The following PRKACA variants were observed in gnomAD, a reference collection of about 807,000 sequenced individuals.
The protein encoded by PRKACA is protein kinase cAMP-activated catalytic subunit alpha, also known as cAMP-dependent protein kinase catalytic subunit alpha.
PRKACA carries 9 observed loss-of-function variants against 45.8 expected under a neutral mutation model. That is an observed-to-expected ratio of 0.20 (90% CI 0.12 to 0.34). The LOEUF (loss-of-function observed/expected upper bound fraction) is 0.34. Ranked by LOEUF, PRKACA falls within the 10% of genes least tolerant of loss-of-function variation. PRKACA has a pLI of 1.00. For missense variants in PRKACA, 238 were observed against 458.6 expected, an observed-to-expected ratio of 0.52 and a Z score of 4.39; for synonymous variants, 160 against 178.6, an observed-to-expected ratio of 0.90 and a Z score of 0.83.
Position 14,093,366 on chromosome 19 carries a change from T to C in PRKACA, c.931-129A>G, listed in dbSNP as rs1977149918. 3 of 1,296,796 alleles carry C rather than the reference T, an allele frequency of 2.3e-6. No individual in the cohort carries two copies. In the East Asian group the frequency reaches 7.2e-5, roughly 31 times the overall value. The allele number at this position is 1,296,796 out of a possible 1,614,324, so 80.3% of individuals were successfully genotyped here. A position where few individuals can be genotyped will look rare whatever the true frequency, so the allele number is the denominator to read the frequency against. On this transcript the variant is annotated intron_variant, in intron 9 of 9. Coordinates refer to ENST00000308677, the MANE Select transcript of PRKACA (RefSeq NM_002730.4). ...CAGGCCTGTGCTTACCATTAGGTTA[T>C]GGATTCCTCTTAACAGCCCGAAACT... is the stretch of plus-strand genomic sequence containing the variant.
chr19:14,099,151 G>C (rs1040022536), intron 5 of PRKACA, among the ~76,000 whole-genome samples: 1 of 151,998 alleles, frequency 6.6e-6, no homozygotes, highest in Non-Finnish European at 1.5e-5. Context: ...AATTAGCCAG[G>C]CAAGGGGGCA....
chr19:14,116,709 C>A (rs767162130), intron 1 of PRKACA, among the ~76,000 whole-genome samples: 1 of 152,106 alleles, frequency 6.6e-6, no homozygotes. Flanking sequence ...TGAATCCCAA[C>A]AAGACCAGCT....
In PRKACA at chr19:14,092,912, G is replaced by A. The variant is rs1018628243; in HGVS notation, c.*200C>T. On this transcript the variant is annotated 3_prime_UTR_variant, in exon 10 of 10. Coordinates refer to ENST00000308677, the MANE Select transcript of PRKACA (RefSeq NM_002730.4). ...GGAGAGGGGGCAGGAGGGTGAAGGG[G>A]ATGAGGGGGAGCAGCTGGTGTTTCT... is the stretch of plus-strand genomic sequence containing the variant. The A allele has an allele frequency of 2.8e-5, 17 of 602,254 alleles. No individual in the cohort carries two copies. In the African/African-American group the frequency reaches 3.0e-4, roughly 11 times the overall value. 37.3% of individuals were successfully genotyped at this position (602,254 alleles called of 1,614,324 possible).
rs1568529909 is a variant in PRKACA at position 14,097,563 on chromosome 19, C to G, written c.642+16G>C. On this transcript the variant is annotated intron_variant, in intron 7 of 9. Coordinates refer to ENST00000308677, the MANE Select transcript of PRKACA (RefSeq NM_002730.4). The surrounding 1 kb of genome is among the most constrained non-coding windows in gnomAD (Gnocchi z 5.4). The stretch of plus-strand genomic sequence containing the variant: ...AGCCGGCCTCAGGGGAAGGGGAGGG[C>G]TGGGGAGGCTCCTACTTTGCTCAGG... 3 of 1,613,034 alleles carry G rather than the reference C, an allele frequency of 1.9e-6. No individual in the cohort carries two copies. Among genetic ancestry groups the G allele is most frequent in the Non-Finnish European group, 1.7e-6 (2 of 1,179,486 alleles).
At chr19:14,102,147 G>C (rs1435254598) in intron 4 of PRKACA, among the ~76,000 whole-genome samples, 4 of 152,186 alleles carry the variant, frequency 2.6e-5, no homozygotes, top group Admixed American at 2.6e-4. Context: ...CTGAGCAACA[G>C]AGTGAGACTC....
chr19:14,106,944 C>T, intron 2 of PRKACA, 56 bp from the exon 3 acceptor site: 2 of 1,607,078 alleles, frequency 1.2e-6, no homozygotes, highest in Non-Finnish European at 1.7e-6. Flanking sequence ...GCCTGCTTGG[C>T]TAAGGTCTGG....
rs373468300 is a variant in PRKACA at position 14,106,829 on chromosome 19, C to A, written c.168G>T (p.Gly56=). 6.2e-7 allele frequency: 1 copy of A among 1,614,090 alleles called. No homozygotes were observed. Among genetic ancestry groups the A allele is most frequent in the African/African-American group, 1.3e-5 (1 of 74,954 alleles). ...CCTTGTGTTTCACCAGCATCACCCG[C>A]CCGAAGGAGCCCGTGCCGAGGGTCT... is the stretch of plus-strand genomic sequence containing the variant. ...RIKTLGTGSF[G]RVMLVKHKET... The change falls in exon 3 of 10, where the codon GGG becomes GGT. Residue 56 remains glycine (G), a synonymous_variant. Coordinates refer to ENST00000308677, the MANE Select transcript of PRKACA (RefSeq NM_002730.4).
chr19:14,092,862 G>C lies in PRKACA; in HGVS notation c.*250C>G. 1.9e-6 allele frequency: 1 copy of C among 518,316 alleles called. No homozygotes were observed. Among genetic ancestry groups the C allele is most frequent in the Non-Finnish European group, 3.4e-6 (1 of 295,010 alleles). The allele number at this position is 518,316 out of a possible 1,614,324, so 32.1% of individuals were successfully genotyped here. A position where few individuals can be genotyped will look rare whatever the true frequency, so the allele number is the denominator to read the frequency against. On this transcript the variant is annotated 3_prime_UTR_variant, in exon 10 of 10. Coordinates refer to ENST00000308677, the MANE Select transcript of PRKACA (RefSeq NM_002730.4). Reference sequence around the variant, plus strand: ...GGGAGGGCTGAGGGGCTGGGGGGCTGTGGGGAAAGAGGAAGGGAAAAGTGG... The same window carrying C: ...GGGAGGGCTGAGGGGCTGGGGGGCTCTGGGGAAAGAGGAAGGGAAAAGTGG...
intron 8 of PRKACA, among the ~76,000 whole-genome samples, chr19:14,096,032 GTTTTTTTTT>G (rs60082323): frequency 9.7e-5 from 9 of 92,588 alleles, no homozygotes; most frequent in Admixed American, 2.4e-4. Flanking sequence ...CTAATTTTTA[GTTTTTTTTT>G]TTTTTTTTTT....
intron 5 of PRKACA, among the ~76,000 whole-genome samples, chr19:14,099,630 C>T (rs868793408): frequency 4.9e-4 from 71 of 144,142 alleles, no homozygotes; most frequent in African/African-American, 1.7e-3. Context: ...GAGATGGGGT[C>T]TTGCTATGTA....
chr19:14,097,332 A>G lies in PRKACA; in HGVS notation c.765+29T>C. ...GAGCAGGGAACGGTCTGTTTCTTCC[A>G]GGGCTGTGTCCCCACATCCGGACCT... On this transcript the variant is annotated intron_variant, in intron 8 of 9. Coordinates refer to ENST00000308677, the MANE Select transcript of PRKACA (RefSeq NM_002730.4). This position sits in a 1 kb window ranked among gnomAD's most constrained non-coding sequence, Gnocchi z 5.4. 6.2e-7 allele frequency: 1 copy of G among 1,613,860 alleles called. No homozygotes were observed. Among genetic ancestry groups the G allele is most frequent in the Admixed American group, 1.7e-5 (1 of 60,014 alleles).
At chr19:14,113,696 G>A (rs898811573) in intron 1 of PRKACA, among the ~76,000 whole-genome samples, 1 of 152,090 alleles carries the variant, frequency 6.6e-6, no homozygotes, top group Non-Finnish European at 1.5e-5. Context: ...CCTGGGCTGG[G>A]CCCCCTACTC....
chr19:14,110,819 C>T (rs1966944479), intron 1 of PRKACA, among the ~76,000 whole-genome samples: 1 of 152,180 alleles, frequency 6.6e-6, no homozygotes, highest in Non-Finnish European at 1.5e-5. Flanking sequence ...AGGTCACTTG[C>T]CTGCCCCCAC....
rs1977164343 is a variant in PRKACA at position 14,093,730 on chromosome 19, T to C, written c.828A>G (p.Val276=). The part of the protein sequence containing the change: ...LKDLLRNLLQ[V]DLTKRFGNLK... ...GGTTCCCAAAGCGCTTGGTGAGATC[T>C]ACCTGCAGGAGGTTCCGCAGCAGGT... The change falls in exon 9 of 10, where the codon GTA becomes GTG. Residue 276 remains valine, a synonymous_variant. Transcript: ENST00000308677. The C allele has an allele frequency of 1.2e-6, 2 of 1,614,104 alleles. No individual in the cohort carries two copies. The highest frequency in any genetic ancestry group is 4.5e-5 in the East Asian group (2 of 44,880).
chr19:14,106,611 G>A (rs568758761), intron 3 of PRKACA, 149 bp downstream of exon 3: 12 of 1,108,266 alleles, frequency 1.1e-5, no homozygotes, highest in South Asian at 9.2e-5. Flanking sequence ...CCGAGATCAC[G>A]CCACTGTACT....
At position 14,092,596 on chromosome 19, in the gene PRKACA, C is replaced by T; in HGVS notation, c.*516G>A. Reference sequence around the variant, plus strand: ...GTTTTTTTAAAAAAATTCTAGCAAGCAACCCACTGAACATGTCACTAAAAA... The same window carrying T: ...GTTTTTTTAAAAAAATTCTAGCAAGTAACCCACTGAACATGTCACTAAAAA... On this transcript the variant is annotated 3_prime_UTR_variant, in exon 10 of 10. Transcript: ENST00000308677. 1 of 398,250 alleles carries T rather than the reference C, an allele frequency of 2.5e-6. No homozygotes were observed. 24.7% of individuals were successfully genotyped at this position (398,250 alleles called of 1,614,324 possible). A position where few individuals can be genotyped will look rare whatever the true frequency, so the allele number is the denominator to read the frequency against.
At chr19:14,116,535 A>G (rs1967108932) in intron 1 of PRKACA, among the ~76,000 whole-genome samples, 1 of 152,130 alleles carries the variant, frequency 6.6e-6, no homozygotes, top group Non-Finnish European at 1.5e-5. Context: ...CCAAGCCAGG[A>G]GTGGTGGAAG....
chr19:14,112,143 T>C (rs2144491719), intron 1 of PRKACA: 1 of 152,110 alleles, frequency 6.6e-6, no homozygotes, highest in South Asian at 2.1e-4. Flanking sequence ...GGATGGGGCA[T>C]GGGGGAGGCC....
intron 1 of PRKACA, among the ~76,000 whole-genome samples, chr19:14,116,508 C>T (rs976844249): frequency 1.3e-5 from 2 of 152,106 alleles, no homozygotes; most frequent in African/African-American, 4.8e-5. Flanking sequence ...CCTCGCTAAA[C>T]CCAGACACTT....
Sources: gnomAD v4.1 joint callset for allele counts (sites outside exome capture counted in the v4.1 genomes callset) on GRCh38, gnomAD v4.1.1 for gene constraint, Gnocchi (gnomAD v3.1) non-coding constraint, MANE v1.5 for transcripts, NCBI Gene and HGNC (gene_info 2026-07-23, HGNC 2026-07-21) for gene names.